The following COL21A1 variants were observed in gnomAD, a reference collection of about 807,000 sequenced individuals.
The protein encoded by COL21A1 is collagen alpha-1(XXI) chain.
In COL21A1, 149 loss-of-function variants were observed where a neutral mutation model predicts 137.9. The ratio of observed to expected loss-of-function variants is 1.08; its 90% confidence interval spans 0.95 to 1.24. COL21A1 has a LOEUF of 1.24. Among genes scored for constraint, COL21A1 ranks in the 50% most tolerant of loss-of-function variants. The pLI is 0.00. For synonymous variants in COL21A1, 456 were observed against 391.5 expected, an observed-to-expected ratio of 1.16 and a Z score of -1.95; for missense variants, 1,167 against 1,158.4, an observed-to-expected ratio of 1.01 and a Z score of -0.11.
At chr6:56,253,296 T>C (rs1782897659) in intron 1 of COL21A1, among the ~76,000 whole-genome samples, 1 of 152,098 alleles carries the variant, frequency 6.6e-6, no homozygotes, top group Admixed American at 6.6e-5. Context: ...TTGGTTCGTA[T>C]GAAAACATCA....
At chr6:56,301,178 T>C (rs1764271145) in intron 1 of COL21A1, among the ~76,000 whole-genome samples, 2 of 152,178 alleles carry the variant, frequency 1.3e-5, no homozygotes, top group South Asian at 4.1e-4. Flanking sequence ...AAAGAGACTC[T>C]AAAGATGTGT....
Position 56,075,470 on chromosome 6 carries a change from T to C in COL21A1, c.1911+9A>G. On this transcript the variant is annotated intron_variant, in intron 19 of 29. Transcript: ENST00000244728. ...ACTTTGATGTATGATGATAATGACA[T>C]CAACATACAGGCATCCCTGGGGCTC... The C allele has an allele frequency of 6.5e-7, 1 of 1,536,462 alleles. No homozygotes were observed. Among genetic ancestry groups the C allele is most frequent in the East Asian group, 2.5e-5 (1 of 40,744 alleles).
intron 19 of COL21A1, among the ~76,000 whole-genome samples, chr6:56,074,734 G>A (rs574401869): frequency 6.6e-6 from 1 of 151,286 alleles, no homozygotes; most frequent in Non-Finnish European, 1.5e-5. Context: ...TCTTTCTTCA[G>A]GGTACAAAAT....
intron 1 of COL21A1, among the ~76,000 whole-genome samples, chr6:56,287,064 T>C (rs551953848): frequency 1.3e-5 from 2 of 152,328 alleles, no homozygotes; most frequent in South Asian, 4.1e-4. Flanking sequence ...GACATTCAGA[T>C]CTATGAGTAG....
intron 1 of COL21A1, among the ~76,000 whole-genome samples, chr6:56,362,646 G>A (rs1178103155): frequency 2.0e-5 from 3 of 151,926 alleles, no homozygotes; most frequent in Non-Finnish European, 4.4e-5. Context: ...TTACCATGAA[G>A]ACACCTCTCT....
At chr6:56,180,155 G>C in intron 2 of COL21A1, 26 bp from the exon 3 acceptor site, 1 of 1,551,464 alleles carries the variant, frequency 6.4e-7, no homozygotes, top group Non-Finnish European at 8.7e-7. Context: ...AACCATCATA[G>C]CACATCTTTT....
chr6:56,303,005 G>C (rs1426966567), intron 1 of COL21A1, among the ~76,000 whole-genome samples: 1 of 152,000 alleles, frequency 6.6e-6, no homozygotes, highest in African/African-American at 2.4e-5. Context: ...CCCATTGCTT[G>C]TTTTTCTCAG....
At chr6:56,315,249 C>T (rs1035449420) in intron 1 of COL21A1, among the ~76,000 whole-genome samples, 8 of 152,178 alleles carry the variant, frequency 5.3e-5, no homozygotes, top group African/African-American at 1.9e-4. Flanking sequence ...CCTGTGAGAG[C>T]TTCCTTGCCC....
At chr6:56,134,404 A>T (rs1178853721) in intron 12 of COL21A1, among the ~76,000 whole-genome samples, 2 of 152,158 alleles carry the variant, frequency 1.3e-5, no homozygotes, top group African/African-American at 4.8e-5. Context: ...TTTATCTAGG[A>T]AATAATTAAG....
At chr6:56,331,442 A>C (rs6907967) in intron 1 of COL21A1, among the ~76,000 whole-genome samples, 106,369 of 151,810 alleles carry the variant, frequency 0.7, 37,587 homozygotes, top group East Asian at 0.9. Context: ...ATCCATCTTG[A>C]GTTAATTTTT....
At chr6:56,264,783 T>G (rs898903215) in intron 1 of COL21A1, among the ~76,000 whole-genome samples, 1 of 152,224 alleles carries the variant, frequency 6.6e-6, no homozygotes, top group Admixed American at 6.5e-5. Context: ...AAACTCCAAG[T>G]TCTATAAATG....
At chr6:56,262,535 A>G (rs1763303925) in intron 1 of COL21A1, among the ~76,000 whole-genome samples, 1 of 152,188 alleles carries the variant, frequency 6.6e-6, no homozygotes, top group Admixed American at 6.5e-5. Context: ...ATGTGTCAGG[A>G]AAGAAGGAGA....
intron 1 of COL21A1, among the ~76,000 whole-genome samples, chr6:56,229,824 T>A (rs1190151101): frequency 6.6e-6 from 1 of 151,942 alleles, no homozygotes; most frequent in East Asian, 1.9e-4. Flanking sequence ...TGAAATTTAT[T>A]TGACAAACAG....
chr6:56,152,847 A>C (rs760364966), intron 10 of COL21A1, among the ~76,000 whole-genome samples: 3 of 152,166 alleles, frequency 2.0e-5, no homozygotes, highest in Non-Finnish European at 2.9e-5. Context: ...AGATGACATC[A>C]GTGTGTGAAC....
At chr6:56,137,883 A>G (rs970761050) in intron 12 of COL21A1, among the ~76,000 whole-genome samples, 6 of 152,204 alleles carry the variant, frequency 3.9e-5, no homozygotes, top group African/African-American at 1.4e-4. Flanking sequence ...GAGATAATCC[A>G]GATTGCAAAA....
chr6:56,078,241 A>G (rs1767416898), intron 17 of COL21A1: 1 of 455,386 alleles, frequency 2.2e-6, no homozygotes, highest in South Asian at 1.6e-5. Context: ...TTAAGAATAA[A>G]TTTAGCACAT....
intron 1 of COL21A1, among the ~76,000 whole-genome samples, chr6:56,254,045 A>G (rs1310214664): frequency 6.6e-6 from 1 of 152,196 alleles, no homozygotes; most frequent in African/African-American, 2.4e-5. Flanking sequence ...ATCATCCTCA[A>G]TTTCAGAGTC....
intron 1 of COL21A1, among the ~76,000 whole-genome samples, chr6:56,382,582 G>A (rs143532147): frequency 4.0e-4 from 61 of 152,242 alleles, no homozygotes; most frequent in East Asian, 7.7e-4. Context: ...AGTCATAAGG[G>A]AGAGGCAGTA....
intron 17 of COL21A1, among the ~76,000 whole-genome samples, chr6:56,080,799 G>T (rs1582272205): frequency 6.6e-6 from 1 of 151,888 alleles, no homozygotes; most frequent in East Asian, 1.9e-4. Context: ...ATATCAAGAA[G>T]TGATTTATTC....
Sources: allele counts gnomAD v4.1 joint callset (sites outside exome capture counted in the v4.1 genomes callset), GRCh38; gene constraint gnomAD v4.1.1; transcripts MANE v1.5; gene names NCBI Gene and HGNC (gene_info 2026-07-23, HGNC 2026-07-21).